C12orf42: variants seen among roughly 807,000 people sequenced by gnomAD.
C12orf42 encodes the protein uncharacterized protein C12orf42.
C12orf42 carries 25 observed loss-of-function variants against 21.6 expected under a neutral mutation model. The observed-to-expected ratio is 1.16, with a 90% CI of 0.84 to 1.62. The LOEUF (loss-of-function observed/expected upper bound fraction) is 1.62, where lower values mean the gene tolerates loss of function less well. Among genes scored for constraint, C12orf42 ranks in the 40% most tolerant of loss-of-function variants. The pLI is 0.00. For missense variants in C12orf42, 483 were observed against 459.3 expected (o/e 1.05, Z -0.47); for synonymous variants, 174 against 175.0 (o/e 0.99, Z 0.05).
chr12:103,113,079 A>C, the C12orf42 span, among the ~76,000 whole-genome samples: 1 of 152,128 alleles, frequency 6.6e-6, no homozygotes, highest in Admixed American at 6.5e-5. Flanking sequence ...CATTTGAGGA[A>C]TTCAGCTTGA....
At chr12:103,352,623 T>C (rs1456552086) in intron 4 of C12orf42, among the ~76,000 whole-genome samples, 1 of 152,098 alleles carries the variant, frequency 6.6e-6, no homozygotes, top group African/African-American at 2.4e-5. Context: ...CATTAAAACA[T>C]AGAGTGGGAA....
chr12:103,319,595 C>A (rs1472603090), intron 4 of C12orf42, among the ~76,000 whole-genome samples: 1 of 152,234 alleles, frequency 6.6e-6, no homozygotes. Context: ...AATAAACCAT[C>A]TATGCTTGAT....
At chr12:103,402,266 C>T (rs1328378824) in intron 2 of C12orf42, among the ~76,000 whole-genome samples, 1 of 152,094 alleles carries the variant, frequency 6.6e-6, no homozygotes, top group East Asian at 1.9e-4. Flanking sequence ...AAGAGGTAAC[C>T]CCTGAGGATC....
the C12orf42 span, among the ~76,000 whole-genome samples, chr12:103,206,870 C>A: frequency 3.3e-5 from 5 of 152,144 alleles, no homozygotes; most frequent in Non-Finnish European, 5.9e-5. Flanking sequence ...AGCCGATCTT[C>A]CCGGCTAGAA....
chr12:103,411,389 T>C (rs2048834031), intron 2 of C12orf42, among the ~76,000 whole-genome samples: 1 of 152,208 alleles, frequency 6.6e-6, no homozygotes, highest in Non-Finnish European at 1.5e-5. Context: ...TCATTTGATA[T>C]AATGTTGTCA....
the C12orf42 span, among the ~76,000 whole-genome samples, chr12:103,077,343 A>G: frequency 2.0e-5 from 3 of 152,368 alleles, no homozygotes; most frequent in Middle Eastern, 6.8e-3. Flanking sequence ...GGATAGACCT[A>G]CACTTTGGAG....
chr12:103,142,972 C>T, the C12orf42 span, among the ~76,000 whole-genome samples: 95 of 152,134 alleles, frequency 6.2e-4, no homozygotes, highest in Non-Finnish European at 1.3e-4. Flanking sequence ...GGAAGCCTCA[C>T]AGCTCAAAAC....
chr12:103,241,798 A>C (rs1266442022), intron 10 of C12orf42, among the ~76,000 whole-genome samples: 2 of 152,190 alleles, frequency 1.3e-5, no homozygotes, highest in Admixed American at 6.6e-5. Context: ...TCTTGGGCTT[A>C]AAACAAACGG....
the C12orf42 span, among the ~76,000 whole-genome samples, chr12:103,185,057 T>C: frequency 6.6e-6 from 1 of 152,170 alleles, no homozygotes; most frequent in African/African-American, 2.4e-5. Flanking sequence ...ACCCAATCTG[T>C]AGTATTTTCT....
Position 103,311,044 on chromosome 12 carries a change from G to C in C12orf42, c.260-4699C>G, listed in dbSNP as rs74860964. Among the ~76,000 whole-genome samples, 1,303 of 152,230 alleles carry C rather than the reference G, an allele frequency of 8.6e-3. 11 individuals are homozygous for C. The highest frequency in any genetic ancestry group is 0.03 in the African/African-American group (1,236 of 41,524). On this transcript the variant is annotated intron_variant, in intron 4 of 5. Coordinates refer to ENST00000548883, the MANE Select transcript of C12orf42 (RefSeq NM_198521.5). ...GAAAGAGACCTTAAAGGTCATCTGAGGCTGAGCCCCCACCAACTTCAATAT... is the reference window on the plus strand; with the variant it reads ...GAAAGAGACCTTAAAGGTCATCTGACGCTGAGCCCCCACCAACTTCAATAT...
At chr12:103,350,538 T>C (rs1326569645) in intron 4 of C12orf42, among the ~76,000 whole-genome samples, 1 of 152,236 alleles carries the variant, frequency 6.6e-6, no homozygotes, top group East Asian at 1.9e-4. Flanking sequence ...TTACTGTGCC[T>C]AATTTATATA....
At chr12:103,432,055 G>C (rs1950304696) in intron 2 of C12orf42, among the ~76,000 whole-genome samples, 1 of 152,146 alleles carries the variant, frequency 6.6e-6, no homozygotes, top group Non-Finnish European at 1.5e-5. Flanking sequence ...ATGCTTCTGG[G>C]GTTGCATTAC....
intron 4 of C12orf42, among the ~76,000 whole-genome samples, chr12:103,333,837 CTT>C (rs1485094933): frequency 6.6e-6 from 1 of 152,192 alleles, no homozygotes; most frequent in African/African-American, 2.4e-5. Flanking sequence ...ACTCATTTCT[CTT>C]TGTGGGGAGT....
the C12orf42 span, among the ~76,000 whole-genome samples, chr12:103,093,368 C>T: frequency 6.6e-6 from 1 of 152,154 alleles, no homozygotes. Flanking sequence ...CACATTCTAT[C>T]CTACAATGAC....
At chr12:103,216,177 TG>T in the C12orf42 span, among the ~76,000 whole-genome samples, 1 of 152,194 alleles carries the variant, frequency 6.6e-6, no homozygotes, top group Admixed American at 6.5e-5. Flanking sequence ...TATGAGCCTA[TG>T]GTCTTTGGCA....
At chr12:103,306,454 T>C in intron 4 of C12orf42, 109 bp from the exon 5 acceptor site, 1 of 1,325,366 alleles carries the variant, frequency 7.5e-7, no homozygotes, top group Non-Finnish European at 1.0e-6. Flanking sequence ...TGTTTTGTGT[T>C]TCTACTGTGA....
At chr12:103,176,662 G>A in the C12orf42 span, among the ~76,000 whole-genome samples, 2 of 152,138 alleles carry the variant, frequency 1.3e-5, no homozygotes, top group African/African-American at 4.8e-5. Flanking sequence ...TCATGGGTGA[G>A]GTCCTGAAGA....
intron 10 of C12orf42, among the ~76,000 whole-genome samples, chr12:103,256,159 C>CAT (rs1398385024): frequency 6.5e-5 from 8 of 123,336 alleles, no homozygotes; most frequent in Middle Eastern, 4.8e-3. Context: ...TATATACACA[C>CAT]ATATATATAC....
intron 10 of C12orf42, among the ~76,000 whole-genome samples, chr12:103,249,390 A>T (rs1278296113): frequency 6.6e-6 from 1 of 152,090 alleles, no homozygotes; most frequent in Non-Finnish European, 1.5e-5. Flanking sequence ...ATAATATGCT[A>T]CCATGAGTCA....
Sources: allele counts gnomAD v4.1 joint callset (sites outside exome capture counted in the v4.1 genomes callset), GRCh38; gene constraint gnomAD v4.1.1; transcripts MANE v1.5; gene names NCBI Gene and HGNC (gene_info 2026-07-23, HGNC 2026-07-21).